The following CCN6 variants were observed in gnomAD, a reference collection of about 807,000 sequenced individuals.
CCN6 encodes the protein cellular communication network factor 6.
A neutral mutation model predicts 37.4 loss-of-function variants in CCN6; 31 were observed. That is an observed-to-expected ratio of 0.83 (90% CI 0.62 to 1.12). The LOEUF is 1.12. Ranked by LOEUF, CCN6 falls within the 50% of genes most tolerant of loss-of-function variation. CCN6 has a pLI of 0.00. For synonymous variants in CCN6, 137 were observed against 142.1 expected (o/e 0.96, Z 0.26); for missense variants, 369 against 413.8 (o/e 0.89, Z 0.94).
At chr6:112,059,082 G>T (rs189639638) in intron 1 of CCN6, among the ~76,000 whole-genome samples, 1 of 152,322 alleles carries the variant, frequency 6.6e-6, no homozygotes, top group Non-Finnish European at 1.5e-5. Context: ...CTGGGTTGCA[G>T]TATGATTTGG....
intron 1 of CCN6, among the ~76,000 whole-genome samples, chr6:112,060,775 T>C (rs1776490461): frequency 6.6e-6 from 1 of 150,406 alleles, no homozygotes; most frequent in Non-Finnish European, 1.5e-5. Context: ...AAAGGAGGAG[T>C]AAGAGTGGAA....
chr6:112,059,882 G>A (rs1776458772), intron 1 of CCN6: 2 of 1,194,130 alleles, frequency 1.7e-6, no homozygotes, highest in Non-Finnish European at 2.2e-6. Flanking sequence ...ACTGAAATGT[G>A]TAGGTAATAA....
intron 1 of CCN6, among the ~76,000 whole-genome samples, chr6:112,058,187 C>T (rs946319991): frequency 1.1e-4 from 17 of 152,210 alleles, no homozygotes; most frequent in African/African-American, 3.4e-4. Flanking sequence ...GTCCTATCCT[C>T]CCCATCAAAA....
intron 3 of CCN6, 111 bp downstream of exon 3, chr6:112,065,108 A>C (rs1554313671): frequency 1.6e-5 from 25 of 1,526,402 alleles, no homozygotes; most frequent in East Asian, 2.3e-5. Flanking sequence ...GGTCAGAGTG[A>C]GATATAGTTT....
At chr6:112,053,446 G>T (rs1182741275), upstream of CCN6, among the ~76,000 whole-genome samples, 1 of 151,052 alleles carries the variant, frequency 6.6e-6, no homozygotes, top group Non-Finnish European at 1.5e-5. Flanking sequence ...ACAGGCGCCT[G>T]CCACCACACC....
chr6:112,055,031 T>G (rs1444438453), intron 1 of CCN6: 1 of 155,100 alleles, frequency 6.4e-6, no homozygotes, highest in African/African-American at 2.4e-5. Flanking sequence ...GCCTTAGTCT[T>G]TTTAAATAAG....
intron 1 of CCN6, among the ~76,000 whole-genome samples, 193 bp from the exon 2 acceptor site, chr6:112,060,796 AAG>A (rs1776491119): frequency 6.6e-6 from 1 of 152,146 alleles, no homozygotes. Flanking sequence ...TAAGAGGAAT[AAG>A]AGCCTCCAAC....
At chr6:112,067,892 A>C (rs1433857439) in intron 3 of CCN6, among the ~76,000 whole-genome samples, 4 of 152,160 alleles carry the variant, frequency 2.6e-5, no homozygotes, top group African/African-American at 9.6e-5. Context: ...CTCAACAGGA[A>C]CATAAGCTTA....
rs139110924 is a variant in CCN6 at position 112,068,680 on chromosome 6, CAGAGT to C, written c.783+287_783+291del. Reference sequence around the variant, plus strand: ...TTATGAAAACAGATATTATGAACATCAGAGTAGAGAAGTCCTGATCTTAGTTATAT... The same window carrying C: ...TTATGAAAACAGATATTATGAACATCAGAGAAGTCCTGATCTTAGTTATAT... On this transcript the variant is annotated intron_variant, in intron 4 of 4. Transcript: ENST00000368666. Among the ~76,000 whole-genome samples, 969 of 152,176 alleles carry C rather than the reference CAGAGT, an allele frequency of 6.4e-3. 10 individuals carry two copies. The highest frequency in any genetic ancestry group is 0.022 in the African/African-American group (914 of 41,538).
chr6:112,068,113 AG>A, intron 3 of CCN6, 91 bp from the exon 4 acceptor site: 15 of 1,090,316 alleles, frequency 1.4e-5, no homozygotes, highest in Non-Finnish European at 1.9e-5. Context: ...AAAAATACTC[AG>A]ATTTCTTAAA....
At chr6:112,055,482 C>G (rs4947163) in intron 1 of CCN6, among the ~76,000 whole-genome samples, 32,141 of 152,122 alleles carry the variant, frequency 0.21, 3,786 homozygotes, top group Middle Eastern at 0.27. Context: ...TTATTTTGTG[C>G]TTAACTTTGC....
In CCN6 at chr6:112,069,265, T is replaced by TA; in HGVS notation, c.784-71dup. The TA allele has an allele frequency of 3.3e-6, 5 of 1,514,110 alleles. No individual in the cohort carries two copies. In the South Asian group the frequency reaches 4.7e-5, roughly 14 times the overall value. The allele number at this position is 1,514,110 out of a possible 1,614,324, so 93.8% of individuals were successfully genotyped here. On this transcript the variant is annotated intron_variant, in intron 4 of 4. Coordinates refer to ENST00000368666, the MANE Select transcript of CCN6 (RefSeq NM_198239.2). ...CCTCCAAATACTCAGATTTGTACTA[T>TA]AAACTATTCTACATGTTTTCAAAAC...
At position 112,056,170 on chromosome 6, in the gene CCN6, G is replaced by T. The variant is rs587704378; in HGVS notation, c.48+1765G>T. On this transcript the variant is annotated intron_variant, in intron 1 of 4. Transcript: ENST00000368666. ...TTTACCCACATATTGACTATGTCCA[G>T]GCCTCTTCATTTCTTCCTGTATTTC... is the stretch of plus-strand genomic sequence containing the variant. 2.6e-5 allele frequency among the ~76,000 whole-genome samples: 4 copies of T among 152,200 alleles called. No individual in the cohort carries two copies. In the South Asian group the frequency reaches 8.3e-4, roughly 32 times the overall value.
upstream of CCN6, among the ~76,000 whole-genome samples, chr6:112,053,871 G>T (rs1164657254): frequency 2.0e-5 from 3 of 148,068 alleles, no homozygotes; most frequent in East Asian, 4.3e-4. Context: ...TTGGTGGGGG[G>T]GCCAGGCCTG....
chr6:112,061,602 GCTTT>G (rs1365131088), intron 2 of CCN6, among the ~76,000 whole-genome samples: 12 of 152,246 alleles, frequency 7.9e-5, no homozygotes, highest in Non-Finnish European at 1.2e-4. Context: ...CAAAATGACA[GCTTT>G]TGTTAATACT....
At chr6:112,065,614 A>T (rs201671969) in intron 3 of CCN6, among the ~76,000 whole-genome samples, 3 of 131,726 alleles carry the variant, frequency 2.3e-5, no homozygotes, top group Non-Finnish European at 5.0e-5. Flanking sequence ...ACACACGCAC[A>T]CACACACGCA....
At chr6:112,060,089 G>A in intron 1 of CCN6, 1 of 1,363,534 alleles carries the variant, frequency 7.3e-7, no homozygotes, top group Non-Finnish European at 9.8e-7. Context: ...GAGGCAGCAA[G>A]GGGGTGAGTG....
At chr6:112,065,601 A>ACACGCGCGC in intron 3 of CCN6, among the ~76,000 whole-genome samples, 1 of 144,228 alleles carries the variant, frequency 6.9e-6, no homozygotes, top group African/African-American at 2.5e-5. Context: ...CACACACACA[A>ACACGCGCGC]ACACACACGC....
intron 1 of CCN6, among the ~76,000 whole-genome samples, chr6:112,055,740 A>G (rs979043146): frequency 2.0e-5 from 3 of 152,070 alleles, no homozygotes; most frequent in African/African-American, 4.8e-5. Flanking sequence ...ACAGGCCTAC[A>G]CCACCATGCC....
Sources: allele counts gnomAD v4.1 joint callset (sites outside exome capture counted in the v4.1 genomes callset), GRCh38; gene constraint gnomAD v4.1.1; transcripts MANE v1.5; gene names NCBI Gene and HGNC (gene_info 2026-07-23, HGNC 2026-07-21).